Variants in CCDC171 observed in about 807,000 individuals in gnomAD.
CCDC171 encodes coiled-coil domain-containing protein 171.
Under a neutral mutation model 168.2 loss-of-function variants are expected in CCDC171, and 177 were observed. The observed-to-expected ratio is 1.05, with a 90% confidence interval of 0.93 to 1.19. CCDC171 has a LOEUF of 1.19. Ranked by LOEUF, CCDC171 falls within the 50% of genes most tolerant of loss-of-function variation. The pLI is 0.00. For synonymous variants in CCDC171, 687 were observed against 540.8 expected (o/e 1.27, Z -3.75); for missense variants, 1,991 against 1,539.0 (o/e 1.29, Z -4.91).
intron 25 of CCDC171, among the ~76,000 whole-genome samples, chr9:15,963,272 G>A (rs1330461928): frequency 6.6e-6 from 1 of 151,906 alleles, no homozygotes; most frequent in African/African-American, 2.4e-5. Flanking sequence ...CATGGCACAT[G>A]TATACATATG....
chr9:15,788,213 C>T (rs2058068479), intron 21 of CCDC171, among the ~76,000 whole-genome samples: 1 of 152,250 alleles, frequency 6.6e-6, no homozygotes, highest in South Asian at 2.1e-4. Context: ...GAATTCAAAT[C>T]CCAGCTCTGT....
intron 11 of CCDC171, among the ~76,000 whole-genome samples, chr9:15,713,166 C>T (rs991821704): frequency 6.6e-6 from 1 of 152,232 alleles, no homozygotes; most frequent in Non-Finnish European, 1.5e-5. Context: ...ATGATAGTCA[C>T]ATCCACTACT....
the CCDC171 span, among the ~76,000 whole-genome samples, chr9:16,073,255 A>C: frequency 3.5e-3 from 533 of 152,156 alleles, 4 homozygotes; most frequent in African/African-American, 0.012. Context: ...GCATCCATAT[A>C]CTCGGGTTTG....
Position 15,744,274 on chromosome 9 carries a change from A to C in CCDC171, c.2051A>C (p.Lys684Thr), listed in dbSNP as rs760749871. 6.3e-7 allele frequency: 1 copy of C among 1,577,554 alleles called. No homozygotes were observed. Among genetic ancestry groups the C allele is most frequent in the South Asian group, 1.2e-5 (1 of 84,614 alleles). ...TATATTTTTTGACTTCTTCCATAGA[A>C]ATTTCAAGAAATTGCTGAAAAAAAC... Reference protein sequence around the residue: ...LFLEVQKRAQKFQEIAEKNME... With the variant: ...LFLEVQKRAQTFQEIAEKNME... Residue 684 changes from lysine to threonine, a missense_variant and splice_region_variant, in exon 17 of 26, where the codon AAA becomes ACA. By Grantham distance (78) the Lys-to-Thr change is moderately conservative (BLOSUM62 -1). Transcript: ENST00000380701.
At chr9:16,034,123 G>A (rs781009213) in intron 6 of CCDC171, among the ~76,000 whole-genome samples, 2 of 152,198 alleles carry the variant, frequency 1.3e-5, no homozygotes, top group Non-Finnish European at 2.9e-5. Flanking sequence ...AGCATTTCCC[G>A]AAAGAATTAC....
chr9:15,947,850 G>A (rs568758764), intron 25 of CCDC171, among the ~76,000 whole-genome samples: 25 of 150,760 alleles, frequency 1.7e-4, no homozygotes, highest in African/African-American at 6.1e-4. Context: ...TATTATTTAG[G>A]TTTTAGAGTA....
the CCDC171 span, among the ~76,000 whole-genome samples, chr9:16,074,803 A>G: frequency 6.6e-6 from 1 of 152,208 alleles, no homozygotes; most frequent in Non-Finnish European, 1.5e-5. Context: ...AGCATTCCAG[A>G]GGGTAAGGTA....
chr9:15,625,548 T>G (rs1219105280), intron 7 of CCDC171, among the ~76,000 whole-genome samples: 5 of 152,218 alleles, frequency 3.3e-5, no homozygotes, highest in Non-Finnish European at 7.3e-5. Flanking sequence ...TAGCCAGTTT[T>G]CCCAGCACCA....
intron 3 of CCDC171, among the ~76,000 whole-genome samples, chr9:15,989,497 G>A (rs370077872): frequency 3.3e-5 from 5 of 152,132 alleles, no homozygotes; most frequent in South Asian, 2.1e-4. Context: ...CAGAAAAGCC[G>A]AAAATTCTAA....
chr9:15,868,498 T>TGAGAGA (rs71325945), intron 23 of CCDC171, among the ~76,000 whole-genome samples: 338 of 149,010 alleles, frequency 2.3e-3, no homozygotes, highest in African/African-American at 2.7e-3. Flanking sequence ...TGTGTGTGTG[T>TGAGAGA]GAGAGAGAGA....
intron 21 of CCDC171, among the ~76,000 whole-genome samples, chr9:15,821,225 GTATCATACTGAAT>G (rs2136097844): frequency 8.5e-6 from 1 of 117,196 alleles, no homozygotes; most frequent in Non-Finnish European, 1.9e-5. Context: ...CCCACACCCA[GTATCATACTGAAT>G]GGACAAAAAC....
In CCDC171 at chr9:15,988,557, G is replaced by A. The variant is rs576076979; in HGVS notation, n.369-32032G>A. On this transcript the variant is annotated intron_variant and non_coding_transcript_variant, in intron 3 of 9. Coordinates refer to the CCDC171 transcript ENST00000486641. ...CTGAGGTACCAGGTTCATCTCACTGGGGCTTGTCAGACAGTGGGGGTAGGA... is the reference window on the plus strand; with the variant it reads ...CTGAGGTACCAGGTTCATCTCACTGAGGCTTGTCAGACAGTGGGGGTAGGA... Among the ~76,000 whole-genome samples, 16 of 152,292 alleles carry A rather than the reference G, an allele frequency of 1.1e-4. No individual in the cohort carries two copies. In the South Asian group the frequency reaches 1.7e-3, roughly 16 times the overall value.
chr9:15,926,727 A>C (rs1353069996), intron 25 of CCDC171, among the ~76,000 whole-genome samples: 4 of 151,688 alleles, frequency 2.6e-5, no homozygotes, highest in African/African-American at 7.3e-5. Flanking sequence ...ACAAAGACAC[A>C]GTGTCTGGCA....
chr9:15,647,359 A>T (rs574886211), intron 7 of CCDC171, among the ~76,000 whole-genome samples: 1 of 152,332 alleles, frequency 6.6e-6, no homozygotes, highest in East Asian at 1.9e-4. Context: ...AGCAAGAGCA[A>T]ACACATTCAA....
At chr9:15,753,445 A>T (rs923485376) in intron 18 of CCDC171, among the ~76,000 whole-genome samples, 1 of 152,204 alleles carries the variant, frequency 6.6e-6, no homozygotes, top group Admixed American at 6.5e-5. Context: ...TCCATTATTC[A>T]TATCGGAAGA....
At chr9:16,009,050 A>T (rs1439871547) in intron 3 of CCDC171, among the ~76,000 whole-genome samples, 1 of 151,610 alleles carries the variant, frequency 6.6e-6, no homozygotes, top group Non-Finnish European at 1.5e-5. Flanking sequence ...TATAATTAAT[A>T]TAAAAATTGT....
chr9:16,098,734 C>G, the CCDC171 span, among the ~76,000 whole-genome samples: 12 of 152,160 alleles, frequency 7.9e-5, no homozygotes, highest in Admixed American at 2.6e-4. Context: ...TTTAAAGATC[C>G]CTTTCTGTTT....
intron 25 of CCDC171, among the ~76,000 whole-genome samples, chr9:15,968,988 C>G (rs1045933176): frequency 3.9e-5 from 6 of 152,148 alleles, no homozygotes; most frequent in African/African-American, 1.4e-4. Flanking sequence ...TGTTTACTTT[C>G]TAGAGACTAT....
intron 24 of CCDC171, among the ~76,000 whole-genome samples, chr9:15,901,573 T>A (rs1821674937): frequency 6.6e-6 from 1 of 152,236 alleles, no homozygotes; most frequent in Non-Finnish European, 1.5e-5. Flanking sequence ...TAATTTTTTT[T>A]ATTTTAACTC....
Sources: gnomAD v4.1 joint callset for allele counts (sites outside exome capture counted in the v4.1 genomes callset) on GRCh38, gnomAD v4.1.1 for gene constraint, MANE v1.5 for transcripts, NCBI Gene and HGNC (gene_info 2026-07-23, HGNC 2026-07-21) for gene names.